DNAI4: variants seen among roughly 807,000 people sequenced by gnomAD.
DNAI4 encodes the protein WD repeat domain 78.
DNAI4 carries 85 observed loss-of-function variants against 105.8 expected under a neutral mutation model. That is an observed-to-expected ratio of 0.80 (90% CI 0.67 to 0.96). The LOEUF (loss-of-function observed/expected upper bound fraction) is 0.96. Ranked by LOEUF, DNAI4 falls within the 40% of genes least tolerant of loss-of-function variation. The pLI is 0.00. For synonymous variants in DNAI4, 352 were observed against 331.5 expected, an observed-to-expected ratio of 1.06 and a Z score of -0.67; for missense variants, 1,014 against 1,005.6, an observed-to-expected ratio of 1.01 and a Z score of -0.11.
chr1:66,899,470 T>C (rs569282793), intron 2 of DNAI4, among the ~76,000 whole-genome samples: 8 of 152,368 alleles, frequency 5.3e-5, no homozygotes, highest in African/African-American at 1.7e-4. Context: ...GAGTTCTTTA[T>C]ATATGATAAA....
At chr1:66,862,487 G>A (rs1646648913) in intron 6 of DNAI4, among the ~76,000 whole-genome samples, 185 bp from the exon 7 acceptor site, 1 of 152,168 alleles carries the variant, frequency 6.6e-6, no homozygotes, top group Non-Finnish European at 1.5e-5. Context: ...GTTAGAGGCA[G>A]TAGTGTGCTA....
intron 1 of DNAI4, among the ~76,000 whole-genome samples, chr1:66,921,936 G>A (rs1006590404): frequency 6.9e-6 from 1 of 144,350 alleles, no homozygotes; most frequent in African/African-American, 2.6e-5. Flanking sequence ...TCACTCTGTC[G>A]ACCAGGCTGG....
At position 66,822,513 on chromosome 1, in the gene DNAI4, C is replaced by A; in HGVS notation, c.2344G>T (p.Asp782Tyr). The A allele has an allele frequency of 1.3e-6, 2 of 1,586,512 alleles. No individual in the cohort carries two copies. The highest frequency in any genetic ancestry group is 1.7e-6 in the Non-Finnish European group (2 of 1,169,594). ...EIWDLHISTL[D>Y]PLIVNTANPG... ...TTAGCAGTATTCACAATCAGAGGGT[C>A]CAAACTGTAATGAAATATTTTATTT... Residue 782 changes from aspartate (D) to tyrosine (Y), a missense_variant, in exon 16 of 17, where the codon GAC (aspartate) becomes TAC (tyrosine). Asp to Tyr is a radical substitution (Grantham distance 160). Coordinates refer to ENST00000371026, the MANE Select transcript of DNAI4 (RefSeq NM_024763.5).
intron 2 of DNAI4, among the ~76,000 whole-genome samples, chr1:66,897,115 TAA>T (rs1223311804): frequency 2.6e-5 from 4 of 152,326 alleles, no homozygotes; most frequent in African/African-American, 7.2e-5. Flanking sequence ...TTTGGAATAG[TAA>T]AGACTTCTGA....
chr1:66,830,976 C>CAAAA (rs71242799), intron 13 of DNAI4, among the ~76,000 whole-genome samples: 1,166 of 81,752 alleles, frequency 0.014, 45 homozygotes, highest in African/African-American at 0.043. Flanking sequence ...GACTCTGTCA[C>CAAAA]AAAAAAAAAA....
intron 7 of DNAI4, chr1:66,848,090 T>A: frequency 5.0e-6 from 2 of 398,316 alleles, no homozygotes; most frequent in South Asian, 3.8e-5. Flanking sequence ...CAAATTTATC[T>A]TACAGTTCAG....
chr1:66,893,426 G>C lies in DNAI4; in HGVS notation c.346-13C>G. 1.4e-6 allele frequency: 2 copies of C among 1,462,266 alleles called. No individual in the cohort carries two copies. Among genetic ancestry groups the C allele is most frequent in the Non-Finnish European group, 9.1e-7 (1 of 1,101,610 alleles). 90.6% of individuals were successfully genotyped at this position (1,462,266 alleles called of 1,614,324 possible). A position where few individuals can be genotyped will look rare whatever the true frequency, so the allele number is the denominator to read the frequency against. On this transcript the variant is annotated splice_polypyrimidine_tract_variant and intron_variant, in intron 2 of 16. Coordinates refer to ENST00000371026, the MANE Select transcript of DNAI4 (RefSeq NM_024763.5). Reference sequence around the variant, plus strand: ...TTATGTCAAATACCTGTTAAAAATGGTTATTTAAAATGAAATAACTAAAAA... The same window carrying C: ...TTATGTCAAATACCTGTTAAAAATGCTTATTTAAAATGAAATAACTAAAAA...
intron 4 of DNAI4, among the ~76,000 whole-genome samples, chr1:66,888,594 G>A (rs993752800): frequency 6.6e-6 from 1 of 152,222 alleles, no homozygotes; most frequent in African/African-American, 2.4e-5. Flanking sequence ...TCGGGAGGCT[G>A]AGGCAGAAGA....
chr1:66,893,032 G>A (rs55976027), intron 3 of DNAI4, among the ~76,000 whole-genome samples, 197 bp downstream of exon 3: 2,754 of 92,916 alleles, frequency 0.03, 95 homozygotes, highest in Middle Eastern at 0.098. Flanking sequence ...GAAAGAAAGA[G>A]AGGAAAGAAA....
intron 13 of DNAI4, among the ~76,000 whole-genome samples, chr1:66,829,600 T>C (rs1199962664): frequency 6.6e-6 from 1 of 152,050 alleles, no homozygotes; most frequent in Non-Finnish European, 1.5e-5. Flanking sequence ...CAAGGAAAAA[T>C]AGACAAATCT....
chr1:66,906,110 G>C (rs1272753622), intron 1 of DNAI4, among the ~76,000 whole-genome samples: 1 of 151,802 alleles, frequency 6.6e-6, no homozygotes, highest in Admixed American at 6.6e-5. Context: ...TTTTAGTAGA[G>C]AGGGGTTTCA....
Position 66,814,149 on chromosome 1 carries a change from T to C in DNAI4, c.2528A>G (p.Lys843Arg). Residue 843 changes from lysine to arginine, a missense_variant, in exon 17 of 17, where the codon AAG (lysine) becomes AGG (arginine). Lys to Arg is a conservative substitution (Grantham distance 26). Coordinates refer to ENST00000371026, the MANE Select transcript of DNAI4 (RefSeq NM_024763.5). ...GATGAATTATGCTGATTGGTTTGAC[T>C]TGGATCCAAGCAAAGTATCCATTAT... ...GDIMDTLLGS[K>R]SNQSA 6.3e-7 allele frequency: 1 copy of C among 1,592,188 alleles called. No homozygotes were observed. Among genetic ancestry groups the C allele is most frequent in the East Asian group, 2.2e-5 (1 of 44,712 alleles).
intron 1 of DNAI4, among the ~76,000 whole-genome samples, chr1:66,918,263 A>T (rs753318003): frequency 3.3e-5 from 5 of 152,202 alleles, no homozygotes; most frequent in South Asian, 2.1e-4. Context: ...GGAGAGAAAA[A>T]TTATGTTTCA....
rs186120206 is a variant in DNAI4, at chr1:66,865,927, T to C, written c.941-3625A>G. ...AGTAAGTTTTCCCTGACAGTATACA[T>C]ACAGTCACTTATGGAAAGGTGGCAT... On this transcript the variant is annotated intron_variant, in intron 6 of 16. Transcript: ENST00000371026. Among the ~76,000 whole-genome samples, 6 of 152,318 alleles carry C rather than the reference T, an allele frequency of 3.9e-5. No individual in the cohort carries two copies. In the East Asian group the frequency reaches 1.2e-3, roughly 29 times the overall value.
At chr1:66,851,432 A>G (rs1343050948) in intron 7 of DNAI4, among the ~76,000 whole-genome samples, 2 of 151,990 alleles carry the variant, frequency 1.3e-5, no homozygotes, top group Admixed American at 6.6e-5. Context: ...TATGAACTCA[A>G]CAACATCATC....
At chr1:66,920,375 TG>T (rs1233453751) in intron 1 of DNAI4, among the ~76,000 whole-genome samples, 2 of 152,164 alleles carry the variant, frequency 1.3e-5, no homozygotes, top group Non-Finnish European at 2.9e-5. Flanking sequence ...TCATTCCTCC[TG>T]GACACTGGAC....
At chr1:66,837,010 A>G (rs1407414024) in intron 10 of DNAI4, among the ~76,000 whole-genome samples, 1 of 152,210 alleles carries the variant, frequency 6.6e-6, no homozygotes, top group Non-Finnish European at 1.5e-5. Flanking sequence ...ATATCTGTTC[A>G]GAATAACAGT....
At chr1:66,837,596 G>A in intron 10 of DNAI4, 114 bp downstream of exon 10, 1 of 1,230,424 alleles carries the variant, frequency 8.1e-7, no homozygotes, top group Non-Finnish European at 1.1e-6. Context: ...AAAGAAAATA[G>A]TCTTGATTGA....
At chr1:66,885,564 G>A (rs974233704) in intron 4 of DNAI4, among the ~76,000 whole-genome samples, 1 of 151,988 alleles carries the variant, frequency 6.6e-6, no homozygotes, top group Non-Finnish European at 1.5e-5. Flanking sequence ...TTATATCCTT[G>A]TTCTTCTAGC....
Sources: gnomAD v4.1 joint callset for allele counts (sites outside exome capture counted in the v4.1 genomes callset) on GRCh38, gnomAD v4.1.1 for gene constraint, MANE v1.5 for transcripts, NCBI Gene and HGNC (gene_info 2026-07-23, HGNC 2026-07-21) for gene names.